The following CELF2 variants were observed in gnomAD, a reference collection of about 807,000 sequenced individuals.
CELF2 encodes CUGBP Elav-like family member 2, also known as CUG triplet repeat RNA-binding protein 2.
In CELF2, 8 loss-of-function variants were observed where a neutral mutation model predicts 62.6. That is an observed-to-expected ratio of 0.13 (90% CI 0.07 to 0.23). The LOEUF (loss-of-function observed/expected upper bound fraction) is 0.23, where lower values mean the gene tolerates loss of function less well. CELF2 is among the 10% of genes least tolerant of loss of function. The pLI is 1.00. For synonymous variants in CELF2, 258 were observed against 250.0 expected (o/e 1.03, Z -0.30); for missense variants, 333 against 671.0 (o/e 0.50, Z 5.56).
At position 11,149,811 on chromosome 10, in the gene CELF2, T is replaced by C. The variant is rs562057586; in HGVS notation, c.75-15675T>C. 1.1e-4 allele frequency among the ~76,000 whole-genome samples: 16 copies of C among 152,296 alleles called. No individual in the cohort carries two copies. In the South Asian group the frequency reaches 2.1e-3, roughly 20 times the overall value. On this transcript the variant is annotated intron_variant, in intron 1 of 12. Transcript: ENST00000633077. ...GTGTGTGTCATTATAAGCCCATAAT[T>C]AGGAAGTTACCTCATCATCTTGCAT...
chr10:10,966,618 C>G (rs1262581767), intron 2 of CELF2: 3 of 152,196 alleles, frequency 2.0e-5, no homozygotes, highest in Non-Finnish European at 4.4e-5. Flanking sequence ...ATTCTCCTTC[C>G]TTTCTGGAGG....
intron 2 of CELF2, among the ~76,000 whole-genome samples, chr10:10,943,150 G>C (rs940361793): frequency 6.6e-6 from 1 of 152,284 alleles, no homozygotes. Context: ...TTGTTGGGGA[G>C]GGGACAGATT....
chr10:10,500,171 A>G, the CELF2 span, among the ~76,000 whole-genome samples: 2 of 152,150 alleles, frequency 1.3e-5, no homozygotes, highest in Non-Finnish European at 2.9e-5. Context: ...ATCTTACTTT[A>G]TTATTTGGAG....
chr10:10,660,216 A>G, the CELF2 span, among the ~76,000 whole-genome samples: 1 of 152,246 alleles, frequency 6.6e-6, no homozygotes, highest in African/African-American at 2.4e-5. Flanking sequence ...TAAATATGTC[A>G]CCTTTCACAG....
chr10:10,489,750 C>G, the CELF2 span, among the ~76,000 whole-genome samples: 1 of 151,598 alleles, frequency 6.6e-6, no homozygotes, highest in African/African-American at 2.4e-5. Flanking sequence ...TGTGGCCTAT[C>G]CTTAAAACAA....
chr10:10,736,325 GGTTT>G, the CELF2 span, among the ~76,000 whole-genome samples: 2 of 149,046 alleles, frequency 1.3e-5, no homozygotes, highest in Admixed American at 1.3e-4. Flanking sequence ...TGGCTTGTGG[GGTTT>G]GTTTGTTTTT....
chr10:11,055,957 G>A (rs569882534), intron 1 of CELF2, among the ~76,000 whole-genome samples: 1 of 152,272 alleles, frequency 6.6e-6, no homozygotes, highest in East Asian at 1.9e-4. Context: ...AAGCAGATAG[G>A]GGAGCCACAG....
At chr10:11,226,030 G>A (rs1156347380) in intron 3 of CELF2, among the ~76,000 whole-genome samples, 4 of 152,178 alleles carry the variant, frequency 2.6e-5, no homozygotes, top group South Asian at 2.1e-4. Context: ...GGTTGGCCTC[G>A]TGGTGGTGGA....
At chr10:11,119,864 T>TCCCCCC (rs57433204) in intron 1 of CELF2, among the ~76,000 whole-genome samples, 23 of 112,156 alleles carry the variant, frequency 2.1e-4, no homozygotes, top group South Asian at 2.8e-4. Flanking sequence ...TGATTCCGCC[T>TCCCCCC]CCCCCCCCCC....
At chr10:10,506,022 G>A in the CELF2 span, among the ~76,000 whole-genome samples, 2 of 152,116 alleles carry the variant, frequency 1.3e-5, no homozygotes, top group African/African-American at 4.8e-5. Flanking sequence ...TATAGACAAA[G>A]GAATAAGGAA....
the CELF2 span, among the ~76,000 whole-genome samples, chr10:10,631,723 T>C: frequency 1.3e-5 from 2 of 151,870 alleles, no homozygotes; most frequent in Non-Finnish European, 2.9e-5. Flanking sequence ...TTGTCTGAGT[T>C]CTTAGCAGGA....
chr10:10,666,808 G>A, the CELF2 span, among the ~76,000 whole-genome samples: 1 of 74,702 alleles, frequency 1.3e-5, no homozygotes, highest in African/African-American at 6.8e-5. Context: ...CTTGCAGTGA[G>A]CCGAGATCGC....
chr10:10,962,398 G>T (rs1397967912), intron 2 of CELF2, among the ~76,000 whole-genome samples: 1 of 152,140 alleles, frequency 6.6e-6, no homozygotes, highest in East Asian at 1.9e-4. Flanking sequence ...TTTTGTGCTT[G>T]AAGTATCAAA....
intron 1 of CELF2, among the ~76,000 whole-genome samples, chr10:11,063,622 T>C (rs1008872674): frequency 1.6e-4 from 25 of 152,214 alleles, no homozygotes; most frequent in Non-Finnish European, 2.9e-4. Flanking sequence ...AATCTAAATA[T>C]CATATCCTTT....
At chr10:10,852,481 G>A (rs1487713098) in intron 1 of CELF2, among the ~76,000 whole-genome samples, 2 of 152,170 alleles carry the variant, frequency 1.3e-5, no homozygotes, top group East Asian at 1.9e-4. Flanking sequence ...GTTATAAAAG[G>A]ACAGCATGAG....
chr10:10,709,021 T>A, the CELF2 span, among the ~76,000 whole-genome samples: 1 of 152,190 alleles, frequency 6.6e-6, no homozygotes, highest in Non-Finnish European at 1.5e-5. Flanking sequence ...TTGCAAGGTG[T>A]TACGTATGCA....
In CELF2 at chr10:11,204,058, T is replaced by G. The variant is rs531515281; in HGVS notation, c.272-13367T>G. Among the ~76,000 whole-genome samples the G allele has an allele frequency of 1.1e-4, 16 of 152,340 alleles. No individual in the cohort carries two copies. The East Asian group carries it at 2.9e-3, about 28-fold the overall frequency. On this transcript the variant is annotated intron_variant, in intron 2 of 12. Coordinates refer to ENST00000633077, the MANE Select transcript of CELF2 (RefSeq NM_001326342.2). ...CCACATCAGCCCCGTTTTCTTCTTTTGTCCCAGAATCATCGTTAACATTAT... is the reference window on the plus strand; with the variant it reads ...CCACATCAGCCCCGTTTTCTTCTTTGGTCCCAGAATCATCGTTAACATTAT...
In CELF2 at chr10:11,010,449, G is replaced by A. The variant is rs1246350112; in HGVS notation, c.53+5009G>A. Reference sequence around the variant, plus strand: ...GTAGGTTTTAACAAAGATAGGGGTGGGGGTGTTGAAATAAGGAATAAAAAT... The same window carrying A: ...GTAGGTTTTAACAAAGATAGGGGTGAGGGTGTTGAAATAAGGAATAAAAAT... On this transcript the variant is annotated intron_variant, in intron 1 of 12. Coordinates refer to the CELF2 transcript ENST00000416382. The surrounding 1 kb of genome is among the most constrained non-coding windows in gnomAD (Gnocchi z 4.1). Among the ~76,000 whole-genome samples the A allele has an allele frequency of 6.6e-6, 1 of 152,116 alleles. No individual in the cohort carries two copies. Among genetic ancestry groups the A allele is most frequent in the Non-Finnish European group, 1.5e-5 (1 of 68,028 alleles).
chr10:11,002,045 G>A (rs186027909), upstream of CELF2, among the ~76,000 whole-genome samples: 3 of 152,234 alleles, frequency 2.0e-5, no homozygotes, highest in East Asian at 5.8e-4. The surrounding 1 kb of genome is among the most constrained non-coding windows in gnomAD (Gnocchi z 4.4). Flanking sequence ...TCACATTGCT[G>A]ATAAAGACAT....
Sources: allele counts gnomAD v4.1 joint callset (sites outside exome capture counted in the v4.1 genomes callset), GRCh38; gene constraint gnomAD v4.1.1; non-coding constraint Gnocchi (gnomAD v3.1); transcripts MANE v1.5; gene names NCBI Gene and HGNC (gene_info 2026-07-23, HGNC 2026-07-21).